Variants in AK8 observed in about 807,000 individuals in gnomAD.
AK8 encodes ATP-AMP transphosphorylase 8.
Under a neutral mutation model 54.6 loss-of-function variants are expected in AK8, and 44 were observed. The ratio of observed to expected loss-of-function variants is 0.81; its 90% CI spans 0.63 to 1.04. The LOEUF (loss-of-function observed/expected upper bound fraction) is 1.04. Among genes scored for constraint, AK8 ranks in the 50% least tolerant of loss-of-function variants. The pLI, the probability that AK8 is intolerant of heterozygous loss-of-function variation, is 0.00. For missense variants in AK8, 555 were observed against 613.6 expected (o/e 0.90, Z 1.01); for synonymous variants, 239 against 245.6 (o/e 0.97, Z 0.25).
At chr9:132,798,919 C>T (rs1451893885) in intron 10 of AK8, among the ~76,000 whole-genome samples, 1 of 152,178 alleles carries the variant, frequency 6.6e-6, no homozygotes, top group Admixed American at 6.5e-5. Flanking sequence ...GGAGTCCTGT[C>T]TAAAGGCCCA....
chr9:132,730,682 C>T (rs948566030), intron 11 of AK8, among the ~76,000 whole-genome samples: 2 of 152,096 alleles, frequency 1.3e-5, no homozygotes, highest in Admixed American at 6.6e-5. Flanking sequence ...TTGGAAAACA[C>T]CTGGGTCAGG....
chr9:132,771,437 G>A (rs749958021), intron 11 of AK8, among the ~76,000 whole-genome samples: 11 of 152,272 alleles, frequency 7.2e-5, no homozygotes, highest in Non-Finnish European at 1.2e-4. Context: ...AAAATGTGTC[G>A]CCTTCCCTGG....
At chr9:132,834,758 C>G (rs1842247660) in intron 5 of AK8, among the ~76,000 whole-genome samples, 1 of 152,076 alleles carries the variant, frequency 6.6e-6, no homozygotes, top group African/African-American at 2.4e-5. Context: ...TATTTTTATA[C>G]AAACGTGCAG....
At chr9:132,815,745 C>T (rs1259865060) in intron 9 of AK8, among the ~76,000 whole-genome samples, 2 of 152,190 alleles carry the variant, frequency 1.3e-5, no homozygotes, top group Non-Finnish European at 2.9e-5. Context: ...TAAACACAGG[C>T]TACCTCCTCC....
At chr9:132,763,851 G>GTA (rs903896203) in intron 11 of AK8, among the ~76,000 whole-genome samples, 7 of 152,250 alleles carry the variant, frequency 4.6e-5, no homozygotes, top group Admixed American at 2.0e-4. Context: ...AGCCTACAGG[G>GTA]TACAGCAAAT....
At chr9:132,878,843 C>T (rs1276676492), upstream of AK8, 2 of 909,962 alleles carry the variant, frequency 2.2e-6, no homozygotes, top group African/African-American at 1.8e-5. This position sits in a 1 kb window ranked among gnomAD's most constrained non-coding sequence, Gnocchi z 4.7. Context: ...ATGGCACCGG[C>T]GGTAACAATC....
At chr9:132,804,631 C>T (rs966836807) in intron 10 of AK8, among the ~76,000 whole-genome samples, 3 of 152,184 alleles carry the variant, frequency 2.0e-5, no homozygotes, top group African/African-American at 7.2e-5. Context: ...CTCCCCCTCC[C>T]GTGTCCCTCT....
At chr9:132,835,138 G>A (rs568253088) in intron 5 of AK8, among the ~76,000 whole-genome samples, 1 of 152,276 alleles carries the variant, frequency 6.6e-6, no homozygotes, top group African/African-American at 2.4e-5. Flanking sequence ...CCAAAGTGCT[G>A]GGATTACAGG....
chr9:132,738,752 CTT>C (rs754082140), intron 11 of AK8, among the ~76,000 whole-genome samples: 15 of 120,772 alleles, frequency 1.2e-4, no homozygotes, highest in Admixed American at 3.6e-4. Flanking sequence ...ATGTTCATGA[CTT>C]TTTTTTTTTT....
chr9:132,836,693 T>G (rs1842336792), intron 5 of AK8, among the ~76,000 whole-genome samples: 1 of 152,062 alleles, frequency 6.6e-6, no homozygotes, highest in South Asian at 2.1e-4. Flanking sequence ...GACAGACACA[T>G]TTCAATTAGA....
chr9:132,825,717 A>C (rs552521441), intron 8 of AK8, among the ~76,000 whole-genome samples: 3 of 152,342 alleles, frequency 2.0e-5, no homozygotes, highest in Admixed American at 1.3e-4. Context: ...CAGCAGGAGA[A>C]GGTGCTGGGA....
chr9:132,777,674 A>G (rs1839281725), intron 11 of AK8, among the ~76,000 whole-genome samples: 1 of 152,178 alleles, frequency 6.6e-6, no homozygotes, highest in Non-Finnish European at 1.5e-5. Context: ...CTTGAGGCTT[A>G]GAAAGGGTAA....
chr9:132,762,020 C>T (rs1392323122), intron 11 of AK8, among the ~76,000 whole-genome samples: 1 of 152,124 alleles, frequency 6.6e-6, no homozygotes, highest in African/African-American at 2.4e-5. Context: ...CAGCTGCATG[C>T]CACCATACCT....
chr9:132,729,434 C>T (rs1836727530), intron 11 of AK8, among the ~76,000 whole-genome samples: 1 of 152,146 alleles, frequency 6.6e-6, no homozygotes, highest in South Asian at 2.1e-4. Flanking sequence ...GCTGCTCTGG[C>T]TGGGAGAGGT....
chr9:132,742,169 CTTTTT>C (rs573195791), intron 11 of AK8, among the ~76,000 whole-genome samples: 3 of 126,618 alleles, frequency 2.4e-5, no homozygotes, highest in East Asian at 2.2e-4. Flanking sequence ...TGGACTTGGA[CTTTTT>C]TTTTTTTTTT....
intron 11 of AK8, among the ~76,000 whole-genome samples, chr9:132,747,444 C>T (rs565385674): frequency 5.5e-5 from 8 of 145,676 alleles, no homozygotes; most frequent in Admixed American, 3.5e-4. Context: ...TAAGGCACTG[C>T]ACCCAGCATT....
chr9:132,750,517 C>A (rs950338078), intron 11 of AK8, among the ~76,000 whole-genome samples: 1 of 151,996 alleles, frequency 6.6e-6, no homozygotes, highest in African/African-American at 2.4e-5. Context: ...ATTCCAAGGA[C>A]TTCCCTGAAT....
intron 5 of AK8, 28 bp from the exon 6 acceptor site, chr9:132,828,754 A>C: frequency 6.4e-7 from 1 of 1,557,076 alleles, no homozygotes; most frequent in Non-Finnish European, 8.8e-7. Flanking sequence ...AGAGGTGCTC[A>C]TCTGTTTTGA....
intron 11 of AK8, among the ~76,000 whole-genome samples, chr9:132,771,583 T>A (rs1838981413): frequency 6.6e-6 from 1 of 152,210 alleles, no homozygotes. Flanking sequence ...GATTGAAATG[T>A]GAAGGCAGAA....
Sources: allele counts gnomAD v4.1 joint callset (sites outside exome capture counted in the v4.1 genomes callset), GRCh38; gene constraint gnomAD v4.1.1; non-coding constraint Gnocchi (gnomAD v3.1); transcripts MANE v1.5; gene names NCBI Gene and HGNC (gene_info 2026-07-23, HGNC 2026-07-21).